Variants in TXLNG observed in about 807,000 individuals in gnomAD.
The protein encoded by TXLNG is gamma-taxilin.
Under a neutral mutation model 38.8 loss-of-function variants are expected in TXLNG, and 5 were observed. The observed-to-expected ratio is 0.13, with a 90% CI of 0.07 to 0.27. The LOEUF (loss-of-function observed/expected upper bound fraction) is 0.27, where lower values mean the gene tolerates loss of function less well. TXLNG is among the 10% of genes least tolerant of loss of function. The pLI, the probability that TXLNG is intolerant of heterozygous loss-of-function variation, is 1.00. For missense variants in TXLNG, 393 were observed against 398.2 expected (o/e 0.99, Z 0.11); for synonymous variants, 182 against 158.2 (o/e 1.15, Z -1.13).
chrX:16,842,424 T>C lies in TXLNG; in HGVS notation c.*658T>C, dbSNP rs1389223039. The stretch of plus-strand genomic sequence containing the variant: ...CAAATCACTAGACAAATAAGCTTAG[T>C]GTTTACGTGACTGAACAGTCATCCT... On this transcript the variant is annotated 3_prime_UTR_variant, in exon 10 of 10. Coordinates refer to ENST00000380122, the MANE Select transcript of TXLNG (RefSeq NM_018360.3). 9.0e-6 allele frequency: 1 copy of C among 111,482 alleles called. No individual in the cohort carries two copies. The highest frequency in any genetic ancestry group is 1.9e-5 in the Non-Finnish European group (1 of 53,119). The allele number at this position is 111,482 out of a possible 1,213,427, so 9.2% of individuals were successfully genotyped here.
At chrX:16,787,450 C>T in intron 1 of TXLNG, among the ~76,000 whole-genome samples, 1 of 111,220 alleles carries the variant, frequency 9.0e-6, no homozygotes, top group East Asian at 2.8e-4. Context: ...CCGACCCTGG[C>T]CTTGGGTCTT....
At chrX:16,840,591 G>A (rs1929762218) in intron 9 of TXLNG, 2 of 248,658 alleles carry the variant, frequency 8.0e-6, no homozygotes, top group Non-Finnish European at 1.1e-5. Flanking sequence ...GGCCAACATC[G>A]TGAAACCCCG....
At chrX:16,823,091 G>C (rs1929035049) in intron 3 of TXLNG, among the ~76,000 whole-genome samples, 1 of 111,473 alleles carries the variant, frequency 9.0e-6, no homozygotes, top group Admixed American at 9.6e-5. Context: ...ATACAGATTT[G>C]TGCCAAAAAT....
At chrX:16,823,458 C>CAAAA (rs11311011) in intron 3 of TXLNG, among the ~76,000 whole-genome samples, 2 of 24,946 alleles carry the variant, frequency 8.0e-5, no homozygotes, top group African/African-American at 3.2e-4. Flanking sequence ...AACTCTGTCT[C>CAAAA]AAAAAAAAAA....
intron 1 of TXLNG, among the ~76,000 whole-genome samples, chrX:16,812,892 T>G (rs12843189): frequency 0.52 from 54,487 of 105,288 alleles, 11,510 homozygotes; most frequent in East Asian, 0.85. Context: ...GTAGAGGCGG[T>G]GTTTCTCCAT....
chrX:16,811,142 C>T (rs1285344639), intron 1 of TXLNG, among the ~76,000 whole-genome samples: 1 of 111,297 alleles, frequency 9.0e-6, no homozygotes, highest in African/African-American at 3.3e-5. Flanking sequence ...GTATCAAATA[C>T]GTGATATTGT....
chrX:16,832,737 G>C lies in TXLNG; in HGVS notation c.979G>C (p.Glu327Gln). ...TGATGAAAAACATCAGAGAGAGAGAGAGTTTGTAAGTTCTACTTCTTAAAA... is the reference window on the plus strand; with the variant it reads ...TGATGAAAAACATCAGAGAGAGAGACAGTTTGTAAGTTCTACTTCTTAAAA... ...EADEKHQRER[E>Q]FLLKEATESR... The change falls in exon 6 of 10, where the codon GAG becomes CAG. Residue 327 changes from glutamate to glutamine, a missense_variant. Coordinates refer to ENST00000380122, the MANE Select transcript of TXLNG (RefSeq NM_018360.3). 1 of 1,188,796 alleles carries C rather than the reference G, an allele frequency of 8.4e-7. No individual in the cohort carries two copies. Among genetic ancestry groups the C allele is most frequent in the East Asian group, 3.0e-5 (1 of 33,270 alleles).
rs779784088 is a variant in TXLNG, at chrX:16,803,589, C to T, written c.103-14985C>T. Reference sequence around the variant, plus strand: ...TGATCTCCTGACCTCGTGATCCACCCGCCTCGGCCTCCCAAAGTGCTGGGA... The same window carrying T: ...TGATCTCCTGACCTCGTGATCCACCTGCCTCGGCCTCCCAAAGTGCTGGGA... On this transcript the variant is annotated intron_variant, in intron 1 of 9. Transcript: ENST00000380122. 1.6e-4 allele frequency among the ~76,000 whole-genome samples: 17 copies of T among 103,764 alleles called. No individual in the cohort carries two copies. The South Asian group carries it at 4.2e-3, about 25-fold the overall frequency. 90.1% of individuals were successfully genotyped at this position (103,764 alleles called of 115,157 possible).
chrX:16,826,103 G>A (rs1315395425), intron 3 of TXLNG, among the ~76,000 whole-genome samples: 2 of 111,628 alleles, frequency 1.8e-5, no homozygotes, highest in African/African-American at 6.5e-5. Context: ...AAAGGAAAGC[G>A]AAGGAATAAT....
Position 16,829,773 on chromosome X carries a change from A to G in TXLNG, c.864+3A>G. The G allele has an allele frequency of 8.3e-7, 1 of 1,199,629 alleles. No individual in the cohort carries two copies. Among genetic ancestry groups the G allele is most frequent in the Non-Finnish European group, 1.1e-6 (1 of 888,075 alleles). On this transcript the variant is annotated splice_donor_region_variant and intron_variant, in intron 5 of 9. Coordinates refer to ENST00000380122, the MANE Select transcript of TXLNG (RefSeq NM_018360.3). The stretch of plus-strand genomic sequence containing the variant: ...AACAGTACGCACTGAGGGAAGAGGT[A>G]ATGGCATTTGGTTTATTTAAACGGC...
At chrX:16,814,506 T>C (rs1466732891) in intron 1 of TXLNG, among the ~76,000 whole-genome samples, 1 of 111,749 alleles carries the variant, frequency 8.9e-6, no homozygotes, top group Non-Finnish European at 1.9e-5. Context: ...TCCCAGCTAC[T>C]TGGGAGGCTG....
chrX:16,790,376 T>A (rs1320341879), intron 1 of TXLNG, among the ~76,000 whole-genome samples: 1 of 110,152 alleles, frequency 9.1e-6, no homozygotes, highest in Non-Finnish European at 1.9e-5. Flanking sequence ...TTATTTTTTT[T>A]AAATTTTAGA....
intron 1 of TXLNG, among the ~76,000 whole-genome samples, chrX:16,790,916 T>C (rs1347866408): frequency 1.8e-5 from 2 of 111,893 alleles, no homozygotes. Context: ...TGGGTAAATC[T>C]ATGGATTTTG....
chrX:16,831,658 GT>G (rs763613903), intron 5 of TXLNG, among the ~76,000 whole-genome samples: 5 of 112,063 alleles, frequency 4.5e-5, no homozygotes, highest in Non-Finnish European at 7.5e-5. Flanking sequence ...GATTCTTTTA[GT>G]TTTGTTGTTT....
At chrX:16,831,176 G>A (rs1231034837) in intron 5 of TXLNG, among the ~76,000 whole-genome samples, 2 of 112,375 alleles carry the variant, frequency 1.8e-5, no homozygotes, top group African/African-American at 6.5e-5. Context: ...GCTCACGCCT[G>A]TAATCCCAGC....
intron 1 of TXLNG, among the ~76,000 whole-genome samples, chrX:16,815,958 G>C (rs924121735): frequency 4.5e-5 from 5 of 111,095 alleles, no homozygotes; most frequent in Non-Finnish European, 7.5e-5. Flanking sequence ...TATTTGATTA[G>C]AGGCGAAACT....
chrX:16,836,858 GT>G (rs1929612251), intron 7 of TXLNG, among the ~76,000 whole-genome samples: 1 of 111,359 alleles, frequency 9.0e-6, no homozygotes, highest in East Asian at 2.8e-4. Context: ...TCTCTGAAAG[GT>G]TCCCTCCTGG....
chrX:16,800,214 A>T (rs1039898510), intron 1 of TXLNG, among the ~76,000 whole-genome samples: 2 of 112,056 alleles, frequency 1.8e-5, no homozygotes, highest in African/African-American at 6.5e-5. Flanking sequence ...TCCTGGGATT[A>T]CAGGCGTGAG....
chrX:16,801,483 G>A (rs1000412424), intron 1 of TXLNG, among the ~76,000 whole-genome samples: 24 of 112,052 alleles, frequency 2.1e-4, no homozygotes, highest in African/African-American at 7.8e-4. Flanking sequence ...ACCGAGCTCG[G>A]CCTCAGGCAT....
Sources: allele counts gnomAD v4.1 joint callset (sites outside exome capture counted in the v4.1 genomes callset), GRCh38; gene constraint gnomAD v4.1.1; transcripts MANE v1.5; gene names NCBI Gene and HGNC (gene_info 2026-07-23, HGNC 2026-07-21).